Variants in ZNF100 observed in about 807,000 individuals in gnomAD.
ZNF100 encodes the protein zinc finger protein 100, also known as zinc finger protein 100 (Y1).
In ZNF100, 12 loss-of-function variants were observed where a neutral mutation model predicts 15.8. The ratio of observed to expected loss-of-function variants is 0.76; its 90% confidence interval spans 0.49 to 1.23. The LOEUF (loss-of-function observed/expected upper bound fraction) is 1.23, where lower values mean the gene tolerates loss of function less well. ZNF100 is among the 50% of genes most tolerant of loss of function. The pLI, the probability that ZNF100 is intolerant of heterozygous loss-of-function variation, is 0.00. For missense variants in ZNF100, 670 were observed against 635.6 expected (o/e 1.05, Z -0.58); for synonymous variants, 226 against 214.8 (o/e 1.05, Z -0.45).
chr19:21,742,082 G>C (rs2036119434), intron 4 of ZNF100, among the ~76,000 whole-genome samples: 1 of 152,048 alleles, frequency 6.6e-6, no homozygotes, highest in Non-Finnish European at 1.5e-5. Context: ...GATCACTTGA[G>C]GTCAGGAATT....
At chr19:21,766,694 G>A (rs2036568837) in intron 1 of ZNF100, among the ~76,000 whole-genome samples, 1 of 152,088 alleles carries the variant, frequency 6.6e-6, no homozygotes, top group Non-Finnish European at 1.5e-5. Flanking sequence ...TTGAATCACT[G>A]TTTGATTAAA....
chr19:21,722,828 A>G lies in ZNF100; in HGVS notation c.*3855T>C, dbSNP rs1221834454. 6.6e-6 allele frequency: 1 copy of G among 151,340 alleles called. No individual in the cohort carries two copies. The highest frequency in any genetic ancestry group is 1.5e-5 in the Non-Finnish European group (1 of 67,856). The allele number at this position is 151,340 out of a possible 1,614,324, so 9.4% of individuals were successfully genotyped here. On this transcript the variant is annotated 3_prime_UTR_variant, in exon 5 of 5. Transcript: ENST00000358296. Reference sequence around the variant, plus strand: ...AAGTATGTTACATAATAAAAAATAAATTTAAAATTGTTCACTTACCATTAA... The same window carrying G: ...AAGTATGTTACATAATAAAAAATAAGTTTAAAATTGTTCACTTACCATTAA...
At chr19:21,752,184 G>C (rs1302591186) in intron 2 of ZNF100, 1 of 156,270 alleles carries the variant, frequency 6.4e-6, no homozygotes, top group African/African-American at 2.4e-5. Flanking sequence ...CCCACACACA[G>C]ATATTTGCTT....
At chr19:21,760,076 G>C (rs185348794) in intron 2 of ZNF100, among the ~76,000 whole-genome samples, 215 of 151,824 alleles carry the variant, frequency 1.4e-3, no homozygotes, top group African/African-American at 4.9e-3. Flanking sequence ...CAGCAACTCG[G>C]GAGGCTGAGG....
intron 4 of ZNF100, among the ~76,000 whole-genome samples, chr19:21,738,119 C>T (rs1568296962): frequency 6.6e-6 from 1 of 151,484 alleles, no homozygotes; most frequent in Non-Finnish European, 1.5e-5. Context: ...GGTGTGGTAG[C>T]GCACGCCTGT....
At chr19:21,751,481 G>A in intron 2 of ZNF100, 1 of 958,230 alleles carries the variant, frequency 1.0e-6, no homozygotes, top group Non-Finnish European at 1.7e-6. Flanking sequence ...AGTAACTCTG[G>A]TTTACTTAGA....
chr19:21,728,342 C>T (rs901500127), intron 4 of ZNF100, among the ~76,000 whole-genome samples: 3 of 152,046 alleles, frequency 2.0e-5, no homozygotes, highest in Admixed American at 6.6e-5. Flanking sequence ...AATACTGGCA[C>T]ATTTATCTTT....
At chr19:21,750,718 C>CCT (rs958268673) in intron 2 of ZNF100, 36 of 288,360 alleles carry the variant, frequency 1.2e-4, no homozygotes, top group African/African-American at 7.7e-4. Flanking sequence ...GAACTGCCAG[C>CCT]GAGGAGGCAC....
chr19:21,767,410 G>C lies in ZNF100; in HGVS notation c.3+17C>G, dbSNP rs759417843. 9 of 1,608,938 alleles carry C rather than the reference G, an allele frequency of 5.6e-6. No homozygotes were observed. In the Admixed American group the frequency reaches 1.5e-4, roughly 27 times the overall value. On this transcript the variant is annotated intron_variant, in intron 1 of 4. Transcript: ENST00000358296. ...CCCTTTCGCCGTCTCTCGGGATGTC[G>C]GACCGGGCACTCTCACCATTTCTAG...
At chr19:21,733,147 C>T (rs1328086017) in intron 4 of ZNF100, among the ~76,000 whole-genome samples, 1 of 152,112 alleles carries the variant, frequency 6.6e-6, no homozygotes, top group African/African-American at 2.4e-5. Context: ...AAATATAAAA[C>T]TCTCTATTAA....
At chr19:21,763,487 G>A (rs1218707883) in intron 2 of ZNF100, among the ~76,000 whole-genome samples, 1 of 152,162 alleles carries the variant, frequency 6.6e-6, no homozygotes, top group Non-Finnish European at 1.5e-5. Flanking sequence ...CTACTTGGGA[G>A]GCTGAGGCAA....
At chr19:21,730,308 AAG>A (rs1287117390) in intron 4 of ZNF100, among the ~76,000 whole-genome samples, 2 of 152,074 alleles carry the variant, frequency 1.3e-5, no homozygotes, top group African/African-American at 4.8e-5. Flanking sequence ...CAAATGAGAG[AAG>A]AGGTCAAAAT....
chr19:21,743,853 CAAAAAAAAAAA>C (rs55874930), intron 4 of ZNF100, among the ~76,000 whole-genome samples, 153 bp downstream of exon 4: 3 of 96,634 alleles, frequency 3.1e-5, no homozygotes, highest in South Asian at 7.9e-4. Flanking sequence ...ACGTGACAGC[CAAAAAAAAAAA>C]AAAAAAAAAA....
At chr19:21,735,788 C>T (rs563048067) in intron 4 of ZNF100, among the ~76,000 whole-genome samples, 12 of 152,054 alleles carry the variant, frequency 7.9e-5, no homozygotes, top group Admixed American at 2.6e-4. Context: ...TTTTATTGCT[C>T]GCTTGATTGA....
At chr19:21,744,855 C>T in intron 3 of ZNF100, 86 bp downstream of exon 3, 1 of 1,561,400 alleles carries the variant, frequency 6.4e-7, no homozygotes, top group Non-Finnish European at 8.6e-7. Context: ...CTCATTTATG[C>T]AAAGCATGAA....
At chr19:21,748,891 A>G (rs1377952018) in intron 2 of ZNF100, among the ~76,000 whole-genome samples, 2 of 152,178 alleles carry the variant, frequency 1.3e-5, no homozygotes. Flanking sequence ...TTTTTAGCAG[A>G]GACAGGGTTT....
chr19:21,727,245 T>A lies in ZNF100; in HGVS notation c.1067A>T (p.Gln356Leu). 6.2e-7 allele frequency: 1 copy of A among 1,612,540 alleles called. No homozygotes were observed. Among genetic ancestry groups the A allele is most frequent in the Non-Finnish European group, 8.5e-7 (1 of 1,179,562 alleles). Residue 356 changes from glutamine to leucine, a missense_variant, in exon 5 of 5, where the codon CAG becomes CTG. Physicochemically the swap from Gln to Leu is moderately radical, Grantham distance 113. Transcript: ENST00000358296. Reference protein sequence around the residue: ...KCEECGKAFNQSSTLTTHKIT... With the variant: ...KCEECGKAFNLSSTLTTHKIT... ...CTTATGTGTAGTAAGGGTTGAGGAC[T>A]GGTTAAAGGCTTTGCCACATTCTTC...
At chr19:21,765,567 T>C (rs2145751960) in intron 2 of ZNF100, 127 bp downstream of exon 2, 4 of 809,584 alleles carry the variant, frequency 4.9e-6, no homozygotes, top group Middle Eastern at 3.4e-4. Context: ...CCTTAGATGA[T>C]CCAGGGAGCA....
At chr19:21,748,400 C>A (rs2036247953) in intron 2 of ZNF100, among the ~76,000 whole-genome samples, 1 of 152,166 alleles carries the variant, frequency 6.6e-6, no homozygotes, top group Non-Finnish European at 1.5e-5. Context: ...GAATTCTGTT[C>A]TCTGCCACTG....
Sources: gnomAD v4.1 joint callset for allele counts (sites outside exome capture counted in the v4.1 genomes callset) on GRCh38, gnomAD v4.1.1 for gene constraint, MANE v1.5 for transcripts, NCBI Gene and HGNC (gene_info 2026-07-23, HGNC 2026-07-21) for gene names.